GALNT13: variants seen among roughly 807,000 people sequenced by gnomAD.
GALNT13 encodes UDP-GalNAc:polypeptide N-acetylgalactosaminyltransferase 13.
GALNT13 carries 28 observed loss-of-function variants against 64.2 expected under a neutral mutation model. The observed-to-expected ratio is 0.44, with a 90% CI of 0.32 to 0.60. The LOEUF (loss-of-function observed/expected upper bound fraction) is 0.60. GALNT13 is among the 20% of genes least tolerant of loss of function. GALNT13 has a pLI of 0.05. For synonymous variants in GALNT13, 214 were observed against 224.6 expected (o/e 0.95, Z 0.42); for missense variants, 577 against 669.8 (o/e 0.86, Z 1.53).
At chr2:154,368,538 C>G (rs934869825) in intron 9 of GALNT13, among the ~76,000 whole-genome samples, 1 of 152,146 alleles carries the variant, frequency 6.6e-6, no homozygotes, top group African/African-American at 2.4e-5. Context: ...TTCAGAGGAA[C>G]TGTGCACAGG....
the GALNT13 span, among the ~76,000 whole-genome samples, chr2:153,333,835 G>A: frequency 1.3e-5 from 2 of 152,290 alleles, no homozygotes; most frequent in African/African-American, 4.8e-5. Flanking sequence ...ATTCTACTAT[G>A]TGAGGCATCT....
chr2:153,396,324 C>T, the GALNT13 span, among the ~76,000 whole-genome samples: 1 of 152,138 alleles, frequency 6.6e-6, no homozygotes, highest in Non-Finnish European at 1.5e-5. Flanking sequence ...ATACAAAATC[C>T]TACCATGTAG....
the GALNT13 span, among the ~76,000 whole-genome samples, chr2:153,189,062 T>A: frequency 6.6e-6 from 1 of 152,200 alleles, no homozygotes; most frequent in African/African-American, 2.4e-5. Flanking sequence ...ACATTAGAAC[T>A]TATTACTTCT....
chr2:153,554,386 A>G, the GALNT13 span, among the ~76,000 whole-genome samples: 1 of 152,200 alleles, frequency 6.6e-6, no homozygotes, highest in Non-Finnish European at 1.5e-5. Context: ...AAAAGGAAAC[A>G]AAACTTGGTC....
At chr2:153,752,438 C>G in the GALNT13 span, among the ~76,000 whole-genome samples, 3 of 152,008 alleles carry the variant, frequency 2.0e-5, no homozygotes, top group African/African-American at 7.2e-5. Context: ...TTGATGAAAT[C>G]CCTCAGGTTT....
At chr2:154,295,737 C>G (rs1440626552) in intron 8 of GALNT13, among the ~76,000 whole-genome samples, 1 of 152,146 alleles carries the variant, frequency 6.6e-6, no homozygotes, top group East Asian at 1.9e-4. Context: ...AGCTCACATT[C>G]TCTTCTCTCC....
chr2:153,303,158 C>G, the GALNT13 span, among the ~76,000 whole-genome samples: 1 of 152,056 alleles, frequency 6.6e-6, no homozygotes. Flanking sequence ...AATATTAATT[C>G]TGGAAATTCA....
the GALNT13 span, among the ~76,000 whole-genome samples, chr2:153,414,392 A>T: frequency 6.7e-3 from 1,017 of 151,936 alleles, 8 homozygotes; most frequent in African/African-American, 0.022. Context: ...AAAATAAAAA[A>T]AAAATAAAAT....
At chr2:154,244,292 T>G (rs965336868) in intron 6 of GALNT13, among the ~76,000 whole-genome samples, 4 of 152,218 alleles carry the variant, frequency 2.6e-5, no homozygotes, top group Non-Finnish European at 4.4e-5. Flanking sequence ...TCAAGATTTT[T>G]AGACCTAATT....
chr2:154,252,204 C>G (rs1197973467), intron 7 of GALNT13, among the ~76,000 whole-genome samples: 1 of 150,980 alleles, frequency 6.6e-6, no homozygotes, highest in African/African-American at 2.4e-5. Context: ...CTGATGTATC[C>G]AAAGAAAAAA....
intron 4 of GALNT13, among the ~76,000 whole-genome samples, chr2:154,179,944 C>A (rs116447166): frequency 6.6e-6 from 1 of 151,994 alleles, no homozygotes; most frequent in Non-Finnish European, 1.5e-5. Flanking sequence ...TTTGGACACA[C>A]GTTTCTCTAT....
At chr2:154,000,306 T>C (rs193089092) in intron 3 of GALNT13, among the ~76,000 whole-genome samples, 31 of 151,488 alleles carry the variant, frequency 2.0e-4, no homozygotes, top group African/African-American at 7.6e-4. Flanking sequence ...TTCTATCTCA[T>C]TTATTTCTGC....
chr2:154,198,530 C>T (rs1393707313), intron 4 of GALNT13, among the ~76,000 whole-genome samples: 1 of 151,752 alleles, frequency 6.6e-6, no homozygotes, highest in Admixed American at 6.6e-5. Context: ...GATGTGACTA[C>T]CATCCTGGAA....
At chr2:153,833,039 A>G in the GALNT13 span, among the ~76,000 whole-genome samples, 64 of 152,250 alleles carry the variant, frequency 4.2e-4, no homozygotes, top group African/African-American at 1.5e-3. Flanking sequence ...TAAGTTGCCC[A>G]CCATTCTGAG....
At chr2:154,057,837 CTA>C (rs1218726132) in intron 3 of GALNT13, among the ~76,000 whole-genome samples, 1 of 152,172 alleles carries the variant, frequency 6.6e-6, no homozygotes, top group Non-Finnish European at 1.5e-5. Context: ...AATCTACACA[CTA>C]AATGTTTATT....
the GALNT13 span, among the ~76,000 whole-genome samples, chr2:153,298,872 G>A: frequency 6.6e-6 from 1 of 152,084 alleles, no homozygotes. Flanking sequence ...GTATTCATGA[G>A]TATGTTACTG....
rs796160259 is a variant in GALNT13, at chr2:154,393,591, C to T, written c.1157-2400C>T. 1.1e-4 allele frequency among the ~76,000 whole-genome samples: 17 copies of T among 152,250 alleles called. No individual in the cohort carries two copies. In the South Asian group the frequency reaches 3.5e-3, roughly 32 times the overall value. Reference sequence around the variant, plus strand: ...AGATAGCCCACCATATTTTTTTGTACATTTCTAAAGGTAATTTAGCATAAT... The same window carrying T: ...AGATAGCCCACCATATTTTTTTGTATATTTCTAAAGGTAATTTAGCATAAT... On this transcript the variant is annotated intron_variant, in intron 9 of 12. Coordinates refer to ENST00000392825, the MANE Select transcript of GALNT13 (RefSeq NM_052917.4).
intron 11 of GALNT13, among the ~76,000 whole-genome samples, chr2:154,425,113 T>C (rs1302382046): frequency 3.3e-5 from 5 of 152,164 alleles, no homozygotes; most frequent in Non-Finnish European, 7.4e-5. Context: ...GATATTATAA[T>C]TTGGCTTTTC....
intron 7 of GALNT13, among the ~76,000 whole-genome samples, chr2:154,255,369 A>G (rs1402419172): frequency 6.6e-6 from 1 of 152,208 alleles, no homozygotes; most frequent in African/African-American, 2.4e-5. Context: ...GGAAGGGAAT[A>G]GAAAATATAT....
Sources: gnomAD v4.1 joint callset for allele counts (sites outside exome capture counted in the v4.1 genomes callset) on GRCh38, gnomAD v4.1.1 for gene constraint, MANE v1.5 for transcripts, NCBI Gene and HGNC (gene_info 2026-07-23, HGNC 2026-07-21) for gene names.